Variants in SCGB2A1 observed in about 807,000 individuals in gnomAD.
The protein encoded by SCGB2A1 is secretoglobin family 2A member 1.
In SCGB2A1, 6 loss-of-function variants were observed where a neutral mutation model predicts 9.2. The observed-to-expected ratio is 0.66, with a 90% confidence interval of 0.36 to 1.29. SCGB2A1 has a LOEUF of 1.29. Ranked by LOEUF, SCGB2A1 falls within the 50% of genes most tolerant of loss-of-function variation. The pLI is 0.03. For synonymous variants in SCGB2A1, 37 were observed against 41.0 expected, an observed-to-expected ratio of 0.90 and a Z score of 0.37; for missense variants, 138 against 116.9, an observed-to-expected ratio of 1.18 and a Z score of -0.83.
rs763567822 is a variant in SCGB2A1 at position 62,213,002 on chromosome 11, A to ACACATATATG, written c.244-714_244-705dup. ...TGTGCACATATACATGCATATATGTACACATATATGCACATATATACATAT... is the reference window on the plus strand; with the variant it reads ...TGTGCACATATACATGCATATATGTACACATATATGCACATATATGCACATATATACATAT... On this transcript the variant is annotated intron_variant, in intron 2 of 2. Transcript: ENST00000244930. 5.5e-3 allele frequency among the ~76,000 whole-genome samples: 450 copies of ACACATATATG among 81,498 alleles called. 15 individuals are homozygous for ACACATATATG. Among genetic ancestry groups the ACACATATATG allele is most frequent in the South Asian group, 0.035 (36 of 1,040 alleles). 53.5% of individuals were successfully genotyped at this position (81,498 alleles called of 152,430 possible). A position where few individuals can be genotyped will look rare whatever the true frequency, so the allele number is the denominator to read the frequency against.
intron 2 of SCGB2A1, among the ~76,000 whole-genome samples, chr11:62,212,923 C>CATATGCACACACATATGT (rs1944841758): frequency 2.1e-5 from 3 of 140,768 alleles, no homozygotes; most frequent in Non-Finnish European, 3.0e-5. Flanking sequence ...TATATACACA[C>CATATGCACACACATATGT]ACACATATAT....
At chr11:62,212,120 A>G (rs766117405) in intron 2 of SCGB2A1, among the ~76,000 whole-genome samples, 201 of 150,868 alleles carry the variant, frequency 1.3e-3, no homozygotes, top group Non-Finnish European at 2.7e-3. Context: ...ATGGGGTTTC[A>G]CCATGTTGGC....
At chr11:62,213,615 C>T in intron 2 of SCGB2A1, 111 bp from the exon 3 acceptor site, 1 of 1,035,498 alleles carries the variant, frequency 9.7e-7, no homozygotes, top group East Asian at 2.4e-5. Flanking sequence ...TGCAAATCCT[C>T]CTGAGAGTTA....
intron 2 of SCGB2A1, 110 bp downstream of exon 2, chr11:62,210,710 A>G (rs1231469002): frequency 2.7e-6 from 2 of 754,282 alleles, no homozygotes; most frequent in Non-Finnish European, 2.0e-6. Context: ...CTTTCTTTAT[A>G]TATCAATTCA....
chr11:62,212,223 A>T (rs1171335414), intron 2 of SCGB2A1, among the ~76,000 whole-genome samples: 1 of 152,054 alleles, frequency 6.6e-6, no homozygotes, highest in Non-Finnish European at 1.5e-5. Context: ...AATTTATTTA[A>T]TACCCTAAAA....
chr11:62,212,360 G>A (rs1212067902), intron 2 of SCGB2A1, among the ~76,000 whole-genome samples: 3 of 151,654 alleles, frequency 2.0e-5, no homozygotes, highest in African/African-American at 7.3e-5. Context: ...GATTAGCCAG[G>A]TGCATCCCTC....
intron 1 of SCGB2A1, among the ~76,000 whole-genome samples, chr11:62,209,727 TGCAATG>T (rs975746700): frequency 2.6e-5 from 4 of 151,726 alleles, no homozygotes; most frequent in African/African-American, 9.7e-5. Flanking sequence ...GGGACTGGTG[TGCAATG>T]GCACAGTCTC....
chr11:62,210,419 G>C lies in SCGB2A1; in HGVS notation c.62G>C (p.Gly21Ala). The change falls in exon 2 of 3, where the codon GGC (glycine) becomes GCC (alanine). Residue 21 changes from glycine to alanine, a missense_variant. Coordinates refer to ENST00000244930, the MANE Select transcript of SCGB2A1 (RefSeq NM_002407.3). The part of the protein sequence containing the change: ...ALLLHCYADS[G>A]CKLLEDMVEK... ...TTTTTTTTTTTTTTTCCAGATTCTGGCTGCAAACTCCTGGAGGACATGGTT... is the reference window on the plus strand; with the variant it reads ...TTTTTTTTTTTTTTTCCAGATTCTGCCTGCAAACTCCTGGAGGACATGGTT... The C allele has an allele frequency of 6.8e-7, 1 of 1,463,154 alleles. No individual in the cohort carries two copies. The highest frequency in any genetic ancestry group is 9.1e-7 in the Non-Finnish European group (1 of 1,095,648). The allele number at this position is 1,463,154 out of a possible 1,614,324, so 90.6% of individuals were successfully genotyped here. A position where few individuals can be genotyped will look rare whatever the true frequency, so the allele number is the denominator to read the frequency against.
chr11:62,208,728 C>A lies in SCGB2A1; in HGVS notation c.-4C>A, dbSNP rs376725804. On this transcript the variant is annotated 5_prime_UTR_variant, in exon 1 of 3. Coordinates refer to ENST00000244930, the MANE Select transcript of SCGB2A1 (RefSeq NM_002407.3). The stretch of plus-strand genomic sequence containing the variant: ...GACTGAACACAGACAGCAGCCGCCT[C>A]GCCATGAAGCTGCTGATGGTCCTCA... 18 of 1,613,536 alleles carry A rather than the reference C, an allele frequency of 1.1e-5. No homozygotes were observed. The Admixed American group carries it at 3.0e-4, about 27-fold the overall frequency.
rs1565121365 is a variant in SCGB2A1 at position 62,212,995 on chromosome 11, T to TATGTGCACACATATGTACAC, written c.244-729_244-728insGTGCACACATATGTACACAT. Among the ~76,000 whole-genome samples, 112 of 118,984 alleles carry TATGTGCACACATATGTACAC rather than the reference T, an allele frequency of 9.4e-4. 1 individual carries two copies. The highest frequency in any genetic ancestry group is 3.3e-3 in the African/African-American group (109 of 32,684). The allele number at this position is 118,984 out of a possible 152,430, so 78.1% of individuals were successfully genotyped here. On this transcript the variant is annotated intron_variant, in intron 2 of 2. Coordinates refer to ENST00000244930, the MANE Select transcript of SCGB2A1 (RefSeq NM_002407.3). ...ACATATATGTGCACATATACATGCA[T>TATGTGCACACATATGTACAC]ATATGTACACATATATGCACATATA...
At chr11:62,213,106 A>ATATATATATTTTTTTT (rs67975205) in intron 2 of SCGB2A1, among the ~76,000 whole-genome samples, 1 of 116,250 alleles carries the variant, frequency 8.6e-6, no homozygotes, top group Non-Finnish European at 1.7e-5. Flanking sequence ...ATATATATAT[A>ATATATATATTTTTTTT]TTTTTTTTTT....
chr11:62,210,713 T>G (rs572180820), intron 2 of SCGB2A1, 113 bp downstream of exon 2: 2 of 747,960 alleles, frequency 2.7e-6, no homozygotes, highest in African/African-American at 3.7e-5. Context: ...TCTTTATATA[T>G]CAATTCATTA....
intron 2 of SCGB2A1, 143 bp from the exon 3 acceptor site, chr11:62,213,583 G>T: frequency 1.4e-6 from 1 of 710,644 alleles, no homozygotes. Context: ...AAATGGAGAG[G>T]GGATGCTGGC....
At chr11:62,213,012 G>GTACA (rs140305986) in intron 2 of SCGB2A1, among the ~76,000 whole-genome samples, 48 of 139,036 alleles carry the variant, frequency 3.5e-4, no homozygotes, top group African/African-American at 1.1e-3. Context: ...ACACATATAT[G>GTACA]CACATATATA....
chr11:62,213,235 C>T (rs1399089122), intron 2 of SCGB2A1, among the ~76,000 whole-genome samples: 1 of 151,590 alleles, frequency 6.6e-6, no homozygotes, highest in Non-Finnish European at 1.5e-5. Context: ...CCCACCCAGC[C>T]CAGCTCCAAT....
intron 2 of SCGB2A1, among the ~76,000 whole-genome samples, chr11:62,212,014 C>T (rs1051224205): frequency 6.6e-6 from 1 of 152,156 alleles, no homozygotes; most frequent in African/African-American, 2.4e-5. Context: ...TCTCCGGCTC[C>T]TGAGTTCAAG....
At chr11:62,212,590 G>A (rs1944839004) in intron 2 of SCGB2A1, among the ~76,000 whole-genome samples, 2 of 151,990 alleles carry the variant, frequency 1.3e-5, no homozygotes, top group Non-Finnish European at 2.9e-5. Flanking sequence ...AGCCAAGATA[G>A]TGCCACCGCA....
intron 1 of SCGB2A1, among the ~76,000 whole-genome samples, chr11:62,209,849 A>AT (rs1478977837): frequency 6.6e-6 from 1 of 151,944 alleles, no homozygotes; most frequent in Non-Finnish European, 1.5e-5. Context: ...TAATTTTTAA[A>AT]TTTTTTGTAG....
intron 2 of SCGB2A1, among the ~76,000 whole-genome samples, chr11:62,213,053 CAT>C (rs1412305747): frequency 1.2e-5 from 1 of 80,734 alleles, no homozygotes; most frequent in Non-Finnish European, 2.8e-5. Context: ...CATATATACA[CAT>C]ATATACACAT....
Sources: gnomAD v4.1 joint callset for allele counts (sites outside exome capture counted in the v4.1 genomes callset) on GRCh38, gnomAD v4.1.1 for gene constraint, MANE v1.5 for transcripts, NCBI Gene and HGNC (gene_info 2026-07-23, HGNC 2026-07-21) for gene names.